Variants in NFIX observed in about 807,000 individuals in gnomAD.
NFIX encodes nuclear factor 1 X-type.
NFIX carries 2 observed loss-of-function variants against 53.3 expected under a neutral mutation model. The ratio of observed to expected loss-of-function variants is 0.04; its 90% CI spans 0.02 to 0.12. The LOEUF (loss-of-function observed/expected upper bound fraction) is 0.12. Among genes scored for constraint, NFIX ranks in the 10% least tolerant of loss-of-function variants. NFIX has a pLI of 1.00. For missense variants in NFIX, 310 were observed against 674.5 expected (o/e 0.46, Z 5.99); for synonymous variants, 244 against 289.0 (o/e 0.84, Z 1.58).
chr19:13,068,156 G>A lies in NFIX; in HGVS notation c.560-4891G>A, dbSNP rs1470262837. Among the ~76,000 whole-genome samples the A allele has an allele frequency of 6.6e-6, 1 of 152,124 alleles. No homozygotes were observed. The highest frequency in any genetic ancestry group is 2.4e-5 in the African/African-American group (1 of 41,418). On this transcript the variant is annotated intron_variant, in intron 2 of 10. Transcript: ENST00000592199. The surrounding 1 kb of genome is among the most constrained non-coding windows in gnomAD (Gnocchi z 4.2). ...AAACAAAAACATGCTGTCAGTTGGA[G>A]TTTATGTGCAATCCCAGGCTCCTCC... is the stretch of plus-strand genomic sequence containing the variant.
At position 13,013,539 on chromosome 19, in the gene NFIX, C is replaced by G. The variant is rs1599719956; in HGVS notation, c.28-11482C>G. On this transcript the variant is annotated intron_variant, in intron 1 of 10. Transcript: ENST00000592199. The surrounding 1 kb of genome is among the most constrained non-coding windows in gnomAD (Gnocchi z 5.9). Reference sequence around the variant, plus strand: ...CGGCTGACCCTGCTGCGCCCTGTACCCTGGACCCAGACGCGGCCCATCCCA... The same window carrying G: ...CGGCTGACCCTGCTGCGCCCTGTACGCTGGACCCAGACGCGGCCCATCCCA... 2 of 152,214 alleles carry G rather than the reference C, an allele frequency of 1.3e-5. No homozygotes were observed. The highest frequency in any genetic ancestry group is 4.1e-4 in the South Asian group (2 of 4,838). 9.4% of individuals were successfully genotyped at this position (152,214 alleles called of 1,614,324 possible).
chr19:13,016,610 A>T (rs969308605), intron 1 of NFIX, among the ~76,000 whole-genome samples: 3 of 138,862 alleles, frequency 2.2e-5, no homozygotes, highest in African/African-American at 8.2e-5. Context: ...CTGCACTGTT[A>T]AAACAATTCC....
chr19:13,065,473 G>C (rs1385256132), intron 2 of NFIX, among the ~76,000 whole-genome samples: 3 of 152,186 alleles, frequency 2.0e-5, no homozygotes, highest in Non-Finnish European at 4.4e-5. Flanking sequence ...TGCTAGGTTT[G>C]GTGCTGGGTC....
In NFIX at chr19:12,998,191, C is replaced by T. The variant is rs150934033; in HGVS notation, c.27+2327C>T. Reference sequence around the variant, plus strand: ...TCTGCCCTTTTCCATCTCTCTTTCTCCATCTCTGTCCTTTTGTATGTCTCT... The same window carrying T: ...TCTGCCCTTTTCCATCTCTCTTTCTTCATCTCTGTCCTTTTGTATGTCTCT... On this transcript the variant is annotated intron_variant, in intron 1 of 10. Transcript: ENST00000592199. The surrounding 1 kb of genome is among the most constrained non-coding windows in gnomAD (Gnocchi z 4.4). Among the ~76,000 whole-genome samples the T allele has an allele frequency of 6.6e-6, 1 of 152,234 alleles. No individual in the cohort carries two copies. The highest frequency in any genetic ancestry group is 2.4e-5 in the African/African-American group (1 of 41,530).
intron 2 of NFIX, among the ~76,000 whole-genome samples, chr19:13,063,393 A>G (rs1430837329): frequency 1.3e-5 from 2 of 151,752 alleles, no homozygotes; most frequent in East Asian, 3.9e-4. Context: ...CTGAGTGCCC[A>G]CCAGACAGAT....
intron 1 of NFIX, among the ~76,000 whole-genome samples, chr19:12,999,857 T>G (rs2011613651): frequency 6.6e-6 from 1 of 152,218 alleles, no homozygotes; most frequent in Non-Finnish European, 1.5e-5. Flanking sequence ...TGGTGCCCTG[T>G]TTTCATGGCA....
At position 13,055,580 on chromosome 19, in the gene NFIX, C is replaced by G. The variant is rs564298724; in HGVS notation, c.560-17467C>G. Among the ~76,000 whole-genome samples, 653 of 152,334 alleles carry G rather than the reference C, an allele frequency of 4.3e-3. 5 individuals carry two copies. The highest frequency in any genetic ancestry group is 0.01 in the Middle Eastern group (3 of 294). ...CCCCTCACGGGGCCTCGGCTCTCCT[C>G]CTCCCTCAGCCAAGACCACCCTCCA... On this transcript the variant is annotated intron_variant, in intron 2 of 10. Transcript: ENST00000592199.
At chr19:13,062,473 C>G (rs1000423989) in intron 2 of NFIX, among the ~76,000 whole-genome samples, 9 of 152,184 alleles carry the variant, frequency 5.9e-5, no homozygotes, top group Non-Finnish European at 2.9e-5. Flanking sequence ...GGGGATGTAG[C>G]AGCAAACAAA....
intron 6 of NFIX, among the ~76,000 whole-genome samples, chr19:13,077,564 G>T (rs148266435): frequency 1.6e-4 from 24 of 152,112 alleles, no homozygotes; most frequent in African/African-American, 5.8e-4. Flanking sequence ...CTGGCGGCTG[G>T]GAGTTCGCCC....
Position 13,028,247 on chromosome 19 carries a change from A to G in NFIX, c.559+2695A>G. Among the ~76,000 whole-genome samples the G allele has an allele frequency of 6.6e-6, 1 of 152,234 alleles. No homozygotes were observed. The highest frequency in any genetic ancestry group is 6.5e-5 in the Admixed American group (1 of 15,284). On this transcript the variant is annotated intron_variant, in intron 2 of 10. Transcript: ENST00000592199. The surrounding 1 kb of genome is among the most constrained non-coding windows in gnomAD (Gnocchi z 4.2). Reference sequence around the variant, plus strand: ...GAGCTGCCACTTGCTCCTTCCTTCCAGGATGATAAACTGGGGACAGGGGCC... The same window carrying G: ...GAGCTGCCACTTGCTCCTTCCTTCCGGGATGATAAACTGGGGACAGGGGCC...
chr19:13,048,368 C>T lies in NFIX; in HGVS notation c.559+22816C>T, dbSNP rs535296439. On this transcript the variant is annotated intron_variant, in intron 2 of 10. Coordinates refer to ENST00000592199, the MANE Select transcript of NFIX (RefSeq NM_001365902.3). ...TTGGCTGTGGGCATCACCACCTAGC[C>T]AAGCACTTGAGCCCTCACAACCAGA... Among the ~76,000 whole-genome samples, 19 of 152,304 alleles carry T rather than the reference C, an allele frequency of 1.2e-4. No homozygotes were observed. The East Asian group carries it at 3.7e-3, about 29-fold the overall frequency.
At chr19:13,086,031 C>G (rs949830496) in intron 8 of NFIX, among the ~76,000 whole-genome samples, 7 of 152,122 alleles carry the variant, frequency 4.6e-5, no homozygotes, top group Non-Finnish European at 8.8e-5. Context: ...TCTGGCTGGT[C>G]CCCACAGAGG....
rs1420301916 is a variant in NFIX at position 13,043,508 on chromosome 19, A to G, written c.559+17956A>G. 2.0e-5 allele frequency among the ~76,000 whole-genome samples: 3 copies of G among 152,180 alleles called. No individual in the cohort carries two copies. Among genetic ancestry groups the G allele is most frequent in the African/African-American group, 4.8e-5 (2 of 41,440 alleles). On this transcript the variant is annotated intron_variant, in intron 2 of 10. Coordinates refer to ENST00000592199, the MANE Select transcript of NFIX (RefSeq NM_001365902.3). The surrounding 1 kb of genome is among the most constrained non-coding windows in gnomAD (Gnocchi z 4.0). ...TCCTGAGGAAGCAGCTGCTGCTGAC[A>G]CCTGAGGCCAGCTGCGCAGTCTGCC...
At position 13,009,413 on chromosome 19, in the gene NFIX, G is replaced by A. The variant is rs529548275; in HGVS notation, c.27+13549G>A. Among the ~76,000 whole-genome samples, 4 of 152,316 alleles carry A rather than the reference G, an allele frequency of 2.6e-5. No homozygotes were observed. Among genetic ancestry groups the A allele is most frequent in the Non-Finnish European group, 5.9e-5 (4 of 68,030 alleles). On this transcript the variant is annotated intron_variant, in intron 1 of 10. Coordinates refer to ENST00000592199, the MANE Select transcript of NFIX (RefSeq NM_001365902.3). The surrounding 1 kb of genome is among the most constrained non-coding windows in gnomAD (Gnocchi z 4.7). ...CAGATGAGGAAACAGAGGCCGCAAGGTCAAGTGCCAAGGTCATGGGGCTAG... is the reference window on the plus strand; with the variant it reads ...CAGATGAGGAAACAGAGGCCGCAAGATCAAGTGCCAAGGTCATGGGGCTAG...
chr19:13,029,439 A>G lies in NFIX; in HGVS notation c.559+3887A>G, dbSNP rs1599746600. On this transcript the variant is annotated intron_variant, in intron 2 of 10. Coordinates refer to ENST00000592199, the MANE Select transcript of NFIX (RefSeq NM_001365902.3). ...AGGATCCAGATGGGGTCAGTCCTGCATTGCGATGGGTTGATCAGTCTCAAA... is the reference window on the plus strand; with the variant it reads ...AGGATCCAGATGGGGTCAGTCCTGCGTTGCGATGGGTTGATCAGTCTCAAA... Among the ~76,000 whole-genome samples, 3 of 151,902 alleles carry G rather than the reference A, an allele frequency of 2.0e-5. No homozygotes were observed. In the Middle Eastern group the frequency reaches 0.01, roughly 517 times the overall value.
intron 2 of NFIX, among the ~76,000 whole-genome samples, chr19:13,057,593 T>A (rs2015793284): frequency 6.6e-6 from 1 of 152,056 alleles, no homozygotes. Context: ...GGGAACAAGC[T>A]ATTAAAAGTA....
In NFIX at chr19:13,090,258, G is replaced by T; in HGVS notation, c.1403-41G>T. On this transcript the variant is annotated intron_variant, in intron 9 of 10. Coordinates refer to ENST00000592199, the MANE Select transcript of NFIX (RefSeq NM_001365902.3). This position sits in a 1 kb window ranked among gnomAD's most constrained non-coding sequence, Gnocchi z 6.6. ...GGGGCAGTGCCCAGGTGGGCCCCAA[G>T]GCCTGACAGGGTCTCTCCCTCTCTC... 1 of 1,599,222 alleles carries T rather than the reference G, an allele frequency of 6.3e-7. No homozygotes were observed. The highest frequency in any genetic ancestry group is 1.1e-5 in the South Asian group (1 of 90,792).
In NFIX at chr19:13,060,505, A is replaced by G. The variant is rs2016005949; in HGVS notation, c.560-12542A>G. ...CCTGCTGTGTGCAGAATCTACCCCG[A>G]AACCTATAGCTTAGGAGAAGCCTGG... On this transcript the variant is annotated intron_variant, in intron 2 of 10. Coordinates refer to ENST00000592199, the MANE Select transcript of NFIX (RefSeq NM_001365902.3). The surrounding 1 kb of genome is among the most constrained non-coding windows in gnomAD (Gnocchi z 4.3). Among the ~76,000 whole-genome samples the G allele has an allele frequency of 6.6e-6, 1 of 152,210 alleles. No individual in the cohort carries two copies. Among genetic ancestry groups the G allele is most frequent in the Non-Finnish European group, 1.5e-5 (1 of 68,024 alleles).
At chr19:13,020,513 C>A (rs1357769379) in intron 1 of NFIX, among the ~76,000 whole-genome samples, 1 of 152,200 alleles carries the variant, frequency 6.6e-6, no homozygotes, top group Non-Finnish European at 1.5e-5. Flanking sequence ...GAGCCAGCAG[C>A]CCATAGAGAG....
Sources: gnomAD v4.1 joint callset for allele counts (sites outside exome capture counted in the v4.1 genomes callset) on GRCh38, gnomAD v4.1.1 for gene constraint, Gnocchi (gnomAD v3.1) non-coding constraint, MANE v1.5 for transcripts, NCBI Gene and HGNC (gene_info 2026-07-23, HGNC 2026-07-21) for gene names.